MBNL2: variants seen among roughly 807,000 people sequenced by gnomAD.
The protein encoded by MBNL2 is muscleblind-like protein 2.
Under a neutral mutation model 41.9 loss-of-function variants are expected in MBNL2, and 17 were observed. The ratio of observed to expected loss-of-function variants is 0.41; its 90% CI spans 0.28 to 0.61. The LOEUF (loss-of-function observed/expected upper bound fraction) is 0.61, where lower values mean the gene tolerates loss of function less well. Among genes scored for constraint, MBNL2 ranks in the 20% least tolerant of loss-of-function variants. The probability of loss-of-function intolerance (pLI) is 0.35; values close to 1 mark genes in which losing one functional copy is unlikely to be tolerated. For missense variants in MBNL2, 336 were observed against 505.6 expected (o/e 0.66, Z 3.22); for synonymous variants, 195 against 182.9 (o/e 1.07, Z -0.53).
At chr13:97,389,772 CTTTTTT>C (rs1219395869) in intron 8 of MBNL2, among the ~76,000 whole-genome samples, 1 of 150,648 alleles carries the variant, frequency 6.6e-6, no homozygotes, top group Non-Finnish European at 1.5e-5. Context: ...ATTTTAGAAA[CTTTTTT>C]TTTAAAAGTA....
the MBNL2 span, among the ~76,000 whole-genome samples, chr13:97,179,094 A>T: frequency 6.6e-6 from 1 of 152,190 alleles, no homozygotes. Flanking sequence ...TAATTCACAG[A>T]CATATCAACA....
the MBNL2 span, among the ~76,000 whole-genome samples, chr13:97,169,852 A>G: frequency 3.5e-4 from 54 of 152,328 alleles, no homozygotes; most frequent in African/African-American, 1.3e-3. Flanking sequence ...ATGCTGCCAC[A>G]ATGCTTGATG....
chr13:97,201,361 G>A, the MBNL2 span, among the ~76,000 whole-genome samples: 1 of 152,122 alleles, frequency 6.6e-6, no homozygotes, highest in African/African-American at 2.4e-5. Context: ...ATGCTTGACT[G>A]TGTTTTCTGT....
At chr13:97,319,787 T>C (rs1001102053) in intron 2 of MBNL2, among the ~76,000 whole-genome samples, 1 of 152,226 alleles carries the variant, frequency 6.6e-6, no homozygotes, top group Non-Finnish European at 1.5e-5. Context: ...AGTAGCCCTT[T>C]ATGCATTACT....
intron 1 of MBNL2, among the ~76,000 whole-genome samples, chr13:97,239,961 A>T (rs1210826310): frequency 6.6e-6 from 1 of 151,958 alleles, no homozygotes; most frequent in African/African-American, 2.4e-5. Context: ...TCTCCACCCA[A>T]CTCCAACCCC....
the MBNL2 span, among the ~76,000 whole-genome samples, chr13:97,181,399 G>T: frequency 6.6e-6 from 1 of 152,020 alleles, no homozygotes; most frequent in African/African-American, 2.4e-5. Flanking sequence ...TTTTAAAAAA[G>T]GAACGCAATT....
chr13:97,149,786 A>G, the MBNL2 span, among the ~76,000 whole-genome samples: 2 of 152,120 alleles, frequency 1.3e-5, no homozygotes, highest in Non-Finnish European at 2.9e-5. Flanking sequence ...TTCCACCCCT[A>G]CAGTTTTTTC....
At chr13:97,192,063 T>G in the MBNL2 span, among the ~76,000 whole-genome samples, 2 of 152,196 alleles carry the variant, frequency 1.3e-5, no homozygotes, top group African/African-American at 2.4e-5. Context: ...AGAAATAACC[T>G]GACCCCAGGC....
At chr13:97,274,886 A>G (rs1348584242) in intron 1 of MBNL2, among the ~76,000 whole-genome samples, 1 of 152,222 alleles carries the variant, frequency 6.6e-6, no homozygotes, top group African/African-American at 2.4e-5. Context: ...ATTATGACTC[A>G]GTTAAAAACT....
chr13:97,262,331 A>T (rs924090972), intron 1 of MBNL2, among the ~76,000 whole-genome samples: 1 of 152,136 alleles, frequency 6.6e-6, no homozygotes, highest in African/African-American at 2.4e-5. Context: ...TAGCCACCAC[A>T]AATTGTCCAC....
intron 2 of MBNL2, among the ~76,000 whole-genome samples, chr13:97,277,570 A>C (rs546442963): frequency 6.6e-6 from 1 of 152,238 alleles, no homozygotes; most frequent in Non-Finnish European, 1.5e-5. Flanking sequence ...ACATAAGTCA[A>C]AATTTATAAT....
intron 2 of MBNL2, among the ~76,000 whole-genome samples, chr13:97,333,991 A>G (rs866334915): frequency 3.7e-5 from 4 of 107,358 alleles, no homozygotes; most frequent in East Asian, 4.6e-4. Context: ...AGGGAGGGAA[A>G]GAAAGAGAAA....
At chr13:97,168,856 C>T in the MBNL2 span, among the ~76,000 whole-genome samples, 1 of 152,152 alleles carries the variant, frequency 6.6e-6, no homozygotes, top group African/African-American at 2.4e-5. Context: ...TTACAAAGTG[C>T]TTTCTCATGC....
intron 8 of MBNL2, among the ~76,000 whole-genome samples, chr13:97,387,505 C>G (rs1033497339): frequency 4.6e-5 from 7 of 152,172 alleles, no homozygotes; most frequent in African/African-American, 1.7e-4. Context: ...AGGTTCCACC[C>G]CAGGGCCTCG....
At chr13:97,312,246 G>A (rs2058679013) in intron 2 of MBNL2, among the ~76,000 whole-genome samples, 1 of 152,092 alleles carries the variant, frequency 6.6e-6, no homozygotes, top group African/African-American at 2.4e-5. Flanking sequence ...TGGAATAAGG[G>A]GACGGAAAAC....
intron 1 of MBNL2, among the ~76,000 whole-genome samples, chr13:97,251,629 T>C (rs1409024451): frequency 6.6e-6 from 1 of 152,216 alleles, no homozygotes; most frequent in Non-Finnish European, 1.5e-5. Context: ...GAAGGACTTG[T>C]ATGTCTATTA....
In MBNL2 at chr13:97,356,861, T is replaced by C; in HGVS notation, c.858+12T>C. ...CAACTGTAGACCTGGTACTTTGACCTTTCACCTTTCGCTTTGCATGTAGCT... is the reference window on the plus strand; with the variant it reads ...CAACTGTAGACCTGGTACTTTGACCCTTCACCTTTCGCTTTGCATGTAGCT... On this transcript the variant is annotated intron_variant, in intron 6 of 8. Transcript: ENST00000679496. The C allele has an allele frequency of 7.4e-7, 1 of 1,353,450 alleles. No homozygotes were observed. The highest frequency in any genetic ancestry group is 9.9e-7 in the Non-Finnish European group (1 of 1,011,760). The allele number at this position is 1,353,450 out of a possible 1,614,324, so 83.8% of individuals were successfully genotyped here. A position where few individuals can be genotyped will look rare whatever the true frequency, so the allele number is the denominator to read the frequency against.
In MBNL2 at chr13:97,343,033, T is replaced by C; in HGVS notation, c.357T>C (p.Gly119=). The change falls in exon 4 of 9, where the codon GGT becomes GGC. Residue 119 remains glycine, a synonymous_variant. Coordinates refer to ENST00000679496, the MANE Select transcript of MBNL2 (RefSeq NM_001382683.1). ...PLHPVPTFPV[G]PAIGTNTAIS... ...TTTAACAGCCCACTTTCCCTGTAGG[T>C]CCCGCGATAGGGACAAATACGGCTA... 1 of 1,612,778 alleles carries C rather than the reference T, an allele frequency of 6.2e-7. No homozygotes were observed.
At chr13:97,344,962 G>A (rs1182684965) in intron 4 of MBNL2, among the ~76,000 whole-genome samples, 2 of 152,232 alleles carry the variant, frequency 1.3e-5, no homozygotes, top group African/African-American at 4.8e-5. Flanking sequence ...CACCTATGAT[G>A]CTATCAGACA....
Sources: gnomAD v4.1 joint callset for allele counts (sites outside exome capture counted in the v4.1 genomes callset) on GRCh38, gnomAD v4.1.1 for gene constraint, MANE v1.5 for transcripts, NCBI Gene and HGNC (gene_info 2026-07-23, HGNC 2026-07-21) for gene names.